Variants in C6orf136 observed in about 807,000 individuals in gnomAD.
C6orf136 encodes the protein uncharacterized protein C6orf136.
Under a neutral mutation model 44.0 loss-of-function variants are expected in C6orf136, and 29 were observed. The observed-to-expected ratio is 0.66, with a 90% confidence interval of 0.49 to 0.90. The LOEUF (loss-of-function observed/expected upper bound fraction) is 0.90. C6orf136 is among the 40% of genes least tolerant of loss of function. The pLI is 0.00. For missense variants in C6orf136, 628 were observed against 669.3 expected (o/e 0.94, Z 0.68); for synonymous variants, 293 against 278.6 (o/e 1.05, Z -0.52).
chr6:30,647,277 C>T lies in C6orf136; in HGVS notation c.46C>T (p.Leu16=), dbSNP rs757852832. The T allele has an allele frequency of 1.9e-6, 3 of 1,600,654 alleles. No individual in the cohort carries two copies. The highest frequency in any genetic ancestry group is 2.6e-6 in the Non-Finnish European group (3 of 1,175,678). The change falls in exon 1 of 6, where the codon CTG becomes TTG. Residue 16 remains leucine (L), a synonymous_variant. Coordinates refer to ENST00000651131, the MANE Select transcript of C6orf136 (RefSeq NM_001161376.2). The surrounding 1 kb of genome is among the most constrained non-coding windows in gnomAD (Gnocchi z 4.8). The stretch of plus-strand genomic sequence containing the variant: ...TGCGGCCCGGCGTCTCGGCCCTTGC[C>T]TGCGCGCCTACCAGGCTCGACCCCA... The part of the protein sequence containing the change: ...RGAARRLGPC[L]RAYQARPQVS...
rs1159320522 is a variant in C6orf136 at position 30,647,510 on chromosome 6, G to A, written c.279G>A (p.Ser93=). Residue 93 remains serine, a synonymous_variant, in exon 1 of 6, where the codon TCG becomes TCA. Coordinates refer to ENST00000651131, the MANE Select transcript of C6orf136 (RefSeq NM_001161376.2). This position sits in a 1 kb window ranked among gnomAD's most constrained non-coding sequence, Gnocchi z 4.8. ...GCCGGGCCTGTCGCGCAAGGACGTCGGTCCTCCCAGGTTTGAGGGCGGTCA... is the reference window on the plus strand; with the variant it reads ...GCCGGGCCTGTCGCGCAAGGACGTCAGTCCTCCCAGGTTTGAGGGCGGTCA... ...RRCRACRART[S]VLPGLRAVRR... 1 of 1,504,920 alleles carries A rather than the reference G, an allele frequency of 6.6e-7. No homozygotes were observed. The highest frequency in any genetic ancestry group is 2.5e-5 in the East Asian group (1 of 39,782). 93.2% of individuals were successfully genotyped at this position (1,504,920 alleles called of 1,614,324 possible). A position where few individuals can be genotyped will look rare whatever the true frequency, so the allele number is the denominator to read the frequency against.
Position 30,649,703 on chromosome 6 carries a change from T to C in C6orf136, c.761T>C (p.Leu254Pro). 1 of 1,611,828 alleles carries C rather than the reference T, an allele frequency of 6.2e-7. No homozygotes were observed. The highest frequency in any genetic ancestry group is 1.3e-5 in the African/African-American group (1 of 74,714). ...CTTCCCCAGGTTCCCCCACTACCTC[T>C]CCCTCAGATCCAGGCCCTCAGCTCA... ...QRLPQVPPLP[L>P]PQIQALSSAW... The change falls in exon 2 of 6, where the codon CTC becomes CCC. Residue 254 changes from leucine (L) to proline (P), a missense_variant. Transcript: ENST00000651131.
At chr6:30,648,201 A>G (rs1265901839) in intron 1 of C6orf136, among the ~76,000 whole-genome samples, 2 of 152,220 alleles carry the variant, frequency 1.3e-5, no homozygotes, top group Non-Finnish European at 2.9e-5. Context: ...CTAAAGTTAC[A>G]TGATAGAATT....
Position 30,651,070 on chromosome 6 carries a change from A to G in C6orf136, c.1094A>G (p.Asn365Ser), listed in dbSNP as rs1767358629. The change falls in exon 3 of 6, where the codon AAC (asparagine) becomes AGC (serine). Residue 365 changes from asparagine (N) to serine (S), a missense_variant. Asn to Ser is a conservative substitution (Grantham distance 46). This residue lies in a region of C6orf136 where 131 missense variants were observed against 200.1 expected (regional missense o/e 0.65). Coordinates refer to ENST00000651131, the MANE Select transcript of C6orf136 (RefSeq NM_001161376.2). ...LDVEFINEIL[N>S]IRTKGRTWYI... ...GTGGAATTCATCAATGAGATCCTCA[A>G]CATACGTACCAAGTGAGAATTGGGG... The G allele has an allele frequency of 1.9e-6, 3 of 1,613,684 alleles. No individual in the cohort carries two copies. The highest frequency in any genetic ancestry group is 1.3e-5 in the African/African-American group (1 of 74,910).
chr6:30,647,273 T>G lies in C6orf136; in HGVS notation c.42T>G (p.Pro14=). The change falls in exon 1 of 6, where the codon CCT becomes CCG. Residue 14 remains proline (P), a synonymous_variant. Coordinates refer to ENST00000651131, the MANE Select transcript of C6orf136 (RefSeq NM_001161376.2). This position sits in a 1 kb window ranked among gnomAD's most constrained non-coding sequence, Gnocchi z 4.8. ...GGGGTGCGGCCCGGCGTCTCGGCCC[T>G]TGCCTGCGCGCCTACCAGGCTCGAC... is the stretch of plus-strand genomic sequence containing the variant. ...PSRGAARRLG[P]CLRAYQARPQ... 6.2e-7 allele frequency: 1 copy of G among 1,600,676 alleles called. No homozygotes were observed.
At position 30,651,315 on chromosome 6, in the gene C6orf136, TG is replaced by T; in HGVS notation, c.1158del (p.Trp386Ter). On this transcript the variant is annotated frameshift_variant, in exon 4 of 6. Coordinates refer to ENST00000651131, the MANE Select transcript of C6orf136 (RefSeq NM_001161376.2). LOFTEE classifies it high-confidence loss of function. ...ACTGACCCTCTGCCGTTTCCTGGCC[TG>T]GAATTATTTTGCACACCTTCGTTTG... is the stretch of plus-strand genomic sequence containing the variant. ...LSLTLCRFLA[W>X]NYFAHLRLEV... 3 of 1,614,058 alleles carry T rather than the reference TG, an allele frequency of 1.9e-6. No homozygotes were observed. Among genetic ancestry groups the T allele is most frequent in the Non-Finnish European group, 2.5e-6 (3 of 1,180,024 alleles).
intron 2 of C6orf136, among the ~76,000 whole-genome samples, 170 bp downstream of exon 2, chr6:30,650,129 A>G (rs2127569800): frequency 6.6e-6 from 1 of 152,168 alleles, no homozygotes; most frequent in Non-Finnish European, 1.5e-5. Flanking sequence ...CGGTGGCTCA[A>G]AGTGCTGTAA....
chr6:30,647,816 C>A lies in C6orf136; in HGVS notation c.585C>A (p.Asp195Glu). ...AAGATGGCCACGCCCCCAGCAGAGA[C>A]GGCGCCTCTAGGACACCATCGGGGA... The part of the protein sequence containing the change: ...GWQDGHAPSR[D>E]GASRTPSGTE... Residue 195 changes from aspartate (D) to glutamate (E), a missense_variant, in exon 1 of 6, where the codon GAC becomes GAA. Physicochemically the swap from Asp to Glu is conservative, Grantham distance 45 (BLOSUM62 2). This residue lies in a region of C6orf136 where 497 missense variants were observed against 469.2 expected (regional missense o/e 1.06). Transcript: ENST00000651131. The surrounding 1 kb of genome is among the most constrained non-coding windows in gnomAD (Gnocchi z 4.8). The A allele has an allele frequency of 1.3e-6, 2 of 1,528,022 alleles. No homozygotes were observed. Among genetic ancestry groups the A allele is most frequent in the Non-Finnish European group, 1.8e-6 (2 of 1,139,424 alleles). The allele number at this position is 1,528,022 out of a possible 1,614,324, so 94.7% of individuals were successfully genotyped here.
chr6:30,648,925 T>C (rs1248430721), intron 1 of C6orf136, among the ~76,000 whole-genome samples: 1 of 151,504 alleles, frequency 6.6e-6, no homozygotes, highest in Non-Finnish European at 1.5e-5. Context: ...GGAGAATGGC[T>C]TGAACCCAGG....
At chr6:30,650,528 T>C (rs1442873702) in intron 2 of C6orf136, among the ~76,000 whole-genome samples, 3 of 151,964 alleles carry the variant, frequency 2.0e-5, no homozygotes, top group African/African-American at 7.3e-5. Context: ...CTCACGCTTA[T>C]AATCCTAGCA....
chr6:30,652,758 A>G (rs1767558010), intron 5 of C6orf136, 41 bp downstream of exon 5: 6 of 1,612,176 alleles, frequency 3.7e-6, no homozygotes, highest in Non-Finnish European at 5.1e-6. Flanking sequence ...AGGGTAGAAC[A>G]TTTGTGTGCC....
At chr6:30,651,127 C>A in intron 3 of C6orf136, 45 bp downstream of exon 3, 1 of 1,577,392 alleles carries the variant, frequency 6.3e-7, no homozygotes, top group Non-Finnish European at 8.7e-7. Flanking sequence ...GAAAAGCACC[C>A]AAAGGTATAT....
At chr6:30,652,535 C>T in intron 4 of C6orf136, 113 bp from the exon 5 acceptor site, 7 of 922,950 alleles carry the variant, frequency 7.6e-6, no homozygotes, top group Non-Finnish European at 1.3e-5. Flanking sequence ...TGTAAGTTGC[C>T]CAGGTGATCT....
intron 1 of C6orf136, among the ~76,000 whole-genome samples, chr6:30,648,096 T>A (rs1343646769): frequency 1.3e-5 from 2 of 152,256 alleles, no homozygotes; most frequent in Non-Finnish European, 2.9e-5. Context: ...TTGTTTACAT[T>A]CATTATTTCA....
At chr6:30,652,318 T>G (rs1582915578) in intron 4 of C6orf136, among the ~76,000 whole-genome samples, 1 of 151,996 alleles carries the variant, frequency 6.6e-6, no homozygotes, top group African/African-American at 2.4e-5. Flanking sequence ...CTGTCTCATA[T>G]GTTGAGCCTT....
chr6:30,649,830 C>T lies in C6orf136; in HGVS notation c.888C>T (p.Pro296=), dbSNP rs1194268178. 5 of 1,614,012 alleles carry T rather than the reference C, an allele frequency of 3.1e-6. No individual in the cohort carries two copies. The African/African-American group carries it at 6.7e-5, about 22-fold the overall frequency. The stretch of plus-strand genomic sequence containing the variant: ...TTAGAAGCCTTTTTGAGGGACCTCC[C>T]TGCCCCTATCCTGGGGCTTGGATAC... ...DGLRSLFEGP[P]CPYPGAWIPF... Residue 296 remains proline, a synonymous_variant, in exon 2 of 6, where the codon CCC becomes CCT. Transcript: ENST00000651131.
Position 30,649,886 on chromosome 6 carries a change from C to T in C6orf136, c.944C>T (p.Ser315Phe). The T allele has an allele frequency of 6.2e-7, 1 of 1,613,996 alleles. No individual in the cohort carries two copies. Among genetic ancestry groups the T allele is most frequent in the South Asian group, 1.1e-5 (1 of 91,082 alleles). ...PFQVPGTAHP[S>F]PATPSGDPSM... Reference sequence around the variant, plus strand: ...CAAGTCCCTGGAACTGCCCACCCTTCCCCTGCCACCCCGTCAGGAGATCCT... The same window carrying T: ...CAAGTCCCTGGAACTGCCCACCCTTTCCCTGCCACCCCGTCAGGAGATCCT... The change falls in exon 2 of 6, where the codon TCC (serine) becomes TTC (phenylalanine). Residue 315 changes from serine to phenylalanine, a missense_variant. By Grantham distance (155) the Ser-to-Phe change is radical. Transcript: ENST00000651131.
intron 1 of C6orf136, 79 bp from the exon 2 acceptor site, chr6:30,649,479 G>A: frequency 2.3e-6 from 3 of 1,313,196 alleles, no homozygotes; most frequent in Non-Finnish European, 3.1e-6. Flanking sequence ...GGTATTGGAA[G>A]CCTGTTGAGC....
chr6:30,647,403 C>T lies in C6orf136; in HGVS notation c.172C>T (p.Gln58Ter), dbSNP rs1223375205. Residue 58 changes from glutamine (Q) to a stop codon, truncating the protein, a stop_gained, in exon 1 of 6, where the codon CAG (glutamine) becomes TAG (stop). Transcript: ENST00000651131. LOFTEE classifies it high-confidence loss of function. The surrounding 1 kb of genome is among the most constrained non-coding windows in gnomAD (Gnocchi z 4.8). Reference protein sequence around the residue: ...AERALGSAQAQRHPPPLPTCA... With the variant: ...AERALGSAQA The stretch of plus-strand genomic sequence containing the variant: ...GCGCGCGCTGGGTTCCGCGCAGGCG[C>T]AGAGACACCCGCCGCCCCTTCCCAC... 4 of 1,473,396 alleles carry T rather than the reference C, an allele frequency of 2.7e-6. No homozygotes were observed. The highest frequency in any genetic ancestry group is 3.6e-6 in the Non-Finnish European group (4 of 1,111,072). The allele number at this position is 1,473,396 out of a possible 1,614,324, so 91.3% of individuals were successfully genotyped here. A position where few individuals can be genotyped will look rare whatever the true frequency, so the allele number is the denominator to read the frequency against.
Sources: allele counts gnomAD v4.1 joint callset (sites outside exome capture counted in the v4.1 genomes callset), GRCh38; gene constraint gnomAD v4.1.1; regional missense constraint gnomAD v4.1.1; non-coding constraint Gnocchi (gnomAD v3.1); transcripts MANE v1.5; gene names NCBI Gene and HGNC (gene_info 2026-07-23, HGNC 2026-07-21).